PFDN1: variants seen among roughly 807,000 people sequenced by gnomAD.
PFDN1 encodes the protein prefoldin 1.
Under a neutral mutation model 17.3 loss-of-function variants are expected in PFDN1, and 6 were observed. The observed-to-expected ratio is 0.35, with a 90% confidence interval of 0.19 to 0.69. PFDN1 has a LOEUF of 0.69. Among genes scored for constraint, PFDN1 ranks in the 30% least tolerant of loss-of-function variants. The pLI is 0.65. For synonymous variants in PFDN1, 58 were observed against 50.1 expected (o/e 1.16, Z -0.67); for missense variants, 113 against 146.2 (o/e 0.77, Z 1.17).
At chr5:140,298,427 C>G (rs1431431159) in intron 2 of PFDN1, among the ~76,000 whole-genome samples, 1 of 151,550 alleles carries the variant, frequency 6.6e-6, no homozygotes, top group Admixed American at 6.6e-5. Flanking sequence ...AAGTAATACT[C>G]AAAGACCAAA....
intron 3 of PFDN1, chr5:140,262,475 G>C (rs934152636): frequency 5.5e-5 from 25 of 454,810 alleles, no homozygotes; most frequent in African/African-American, 4.6e-4. Flanking sequence ...TCATGAGATG[G>C]CTTCACACAG....
chr5:140,270,783 G>C (rs190368847), intron 3 of PFDN1, among the ~76,000 whole-genome samples: 2 of 151,984 alleles, frequency 1.3e-5, no homozygotes, highest in Admixed American at 6.5e-5. Flanking sequence ...AAAATTAGCC[G>C]GGCGTGGTGG....
In PFDN1 at chr5:140,297,960, ACTGT is replaced by A. The variant is rs1765678066; in HGVS notation, c.200+2452_200+2455del. ...ACAACATGTTAATAAAGCTGGCATT[ACTGT>A]TTTAAGACCTAAGGATATTCACATT... is the stretch of plus-strand genomic sequence containing the variant. On this transcript the variant is annotated intron_variant, in intron 2 of 3. Coordinates refer to ENST00000261813, the MANE Select transcript of PFDN1 (RefSeq NM_002622.5). 6.6e-5 allele frequency among the ~76,000 whole-genome samples: 10 copies of A among 152,334 alleles called. No individual in the cohort carries two copies. The South Asian group carries it at 2.1e-3, about 32-fold the overall frequency.
chr5:140,265,341 G>A (rs1765120862), intron 3 of PFDN1, among the ~76,000 whole-genome samples: 1 of 152,102 alleles, frequency 6.6e-6, no homozygotes, highest in Non-Finnish European at 1.5e-5. Context: ...CACCTCTGTG[G>A]TCCTGCTACA....
At chr5:140,269,993 G>A (rs1217888522) in intron 3 of PFDN1, among the ~76,000 whole-genome samples, 2 of 152,102 alleles carry the variant, frequency 1.3e-5, no homozygotes, top group Non-Finnish European at 2.9e-5. Context: ...ATCTTTTTCT[G>A]AGCTGATGTG....
intron 1 of PFDN1, 72 bp from the exon 2 acceptor site, chr5:140,300,654 A>G (rs931285948): frequency 2.0e-6 from 2 of 1,021,582 alleles, no homozygotes; most frequent in Non-Finnish European, 2.9e-6. Flanking sequence ...ATCCAAATAT[A>G]TTAAAACAAA....
At chr5:140,291,278 G>A (rs1331427727) in intron 2 of PFDN1, among the ~76,000 whole-genome samples, 1 of 152,160 alleles carries the variant, frequency 6.6e-6, no homozygotes, top group Non-Finnish European at 1.5e-5. Flanking sequence ...ATTAGACCAG[G>A]GTGGTGGTAA....
At chr5:140,283,663 C>A (rs939935168) in intron 2 of PFDN1, among the ~76,000 whole-genome samples, 15 of 152,144 alleles carry the variant, frequency 9.9e-5, no homozygotes, top group African/African-American at 3.4e-4. Flanking sequence ...CTATAGAACC[C>A]TTCATGTCTA....
At position 140,303,034 on chromosome 5, in the gene PFDN1, C is replaced by CT; in HGVS notation, c.33+6dup. On this transcript the variant is annotated splice_region_variant and intron_variant, in intron 1 of 3. Coordinates refer to ENST00000261813, the MANE Select transcript of PFDN1 (RefSeq NM_002622.5). Reference sequence around the variant, plus strand: ...AAGACCTCCGCCTGCCAAAGACCCTCTTTTACCTTCTTCAGCTCTAGATCC... The same window carrying CT: ...AAGACCTCCGCCTGCCAAAGACCCTCTTTTTACCTTCTTCAGCTCTAGATCC... 1.9e-6 allele frequency: 3 copies of CT among 1,607,444 alleles called. No homozygotes were observed. The highest frequency in any genetic ancestry group is 1.7e-6 in the Non-Finnish European group (2 of 1,173,810).
chr5:140,299,616 C>T (rs1765709929), intron 2 of PFDN1, among the ~76,000 whole-genome samples: 1 of 151,284 alleles, frequency 6.6e-6, no homozygotes, highest in African/African-American at 2.4e-5. Flanking sequence ...AAAAAATGTA[C>T]TTTAAAGTCT....
chr5:140,285,272 C>T (rs1431702172), intron 2 of PFDN1, among the ~76,000 whole-genome samples: 1 of 150,358 alleles, frequency 6.7e-6, no homozygotes, highest in East Asian at 2.0e-4. Flanking sequence ...GGCGTGAACC[C>T]GGGAGGTGGA....
chr5:140,299,145 T>G (rs905219771), intron 2 of PFDN1, among the ~76,000 whole-genome samples: 2 of 152,216 alleles, frequency 1.3e-5, no homozygotes, highest in Admixed American at 1.3e-4. Flanking sequence ...TCACTCCTAA[T>G]AAATTAAGCA....
intron 2 of PFDN1, among the ~76,000 whole-genome samples, chr5:140,282,420 T>G (rs1230307138): frequency 2.3e-5 from 3 of 130,378 alleles, no homozygotes; most frequent in Non-Finnish European, 3.3e-5. Flanking sequence ...TTTTTTTTTT[T>G]GTAACAGCAG....
At chr5:140,299,380 G>A (rs549635192) in intron 2 of PFDN1, among the ~76,000 whole-genome samples, 123 of 152,206 alleles carry the variant, frequency 8.1e-4, no homozygotes, top group African/African-American at 2.8e-3. Flanking sequence ...CAAGGCGGGC[G>A]GATCAAGAGG....
chr5:140,286,411 CAAAAAAA>C (rs70988742), intron 2 of PFDN1, among the ~76,000 whole-genome samples: 7 of 83,514 alleles, frequency 8.4e-5, no homozygotes, highest in South Asian at 4.0e-4. Flanking sequence ...GACTCTGTCT[CAAAAAAA>C]AAAAAAAAAA....
chr5:140,280,516 G>A (rs990733846), intron 3 of PFDN1, among the ~76,000 whole-genome samples: 1 of 152,138 alleles, frequency 6.6e-6, no homozygotes, highest in African/African-American at 2.4e-5. Context: ...ACTATCAGTA[G>A]TTAAAAATAA....
intron 3 of PFDN1, among the ~76,000 whole-genome samples, chr5:140,258,442 A>T (rs1269845870): frequency 2.3e-5 from 1 of 42,700 alleles, no homozygotes; most frequent in African/African-American, 6.7e-5. Flanking sequence ...TGTACTGTTA[A>T]AAAAAAAAAA....
intron 3 of PFDN1, among the ~76,000 whole-genome samples, chr5:140,266,737 C>T (rs1765138797): frequency 6.6e-6 from 1 of 152,234 alleles, no homozygotes. Flanking sequence ...TTCACACATT[C>T]CACCACTAGA....
chr5:140,286,601 GGGGGGGGGGGGGGGGGGGGC>G (rs528096822), intron 2 of PFDN1, among the ~76,000 whole-genome samples: 1 of 10,348 alleles, frequency 9.7e-5, no homozygotes, highest in African/African-American at 2.3e-4. Flanking sequence ...TTTTTGCGGG[GGGGGGGGGGGGGGGGGGGGC>G]GGGGGAGACA....
Sources: allele counts gnomAD v4.1 joint callset (sites outside exome capture counted in the v4.1 genomes callset), GRCh38; gene constraint gnomAD v4.1.1; transcripts MANE v1.5; gene names NCBI Gene and HGNC (gene_info 2026-07-23, HGNC 2026-07-21).